ZFYVE28: variants seen among roughly 807,000 people sequenced by gnomAD.
The protein encoded by ZFYVE28 is lateral signaling target protein 2 homolog.
A neutral mutation model predicts 82.1 loss-of-function variants in ZFYVE28; 40 were observed. The observed-to-expected ratio is 0.49, with a 90% CI of 0.38 to 0.63. ZFYVE28 has a LOEUF of 0.63. Among genes scored for constraint, ZFYVE28 ranks in the 30% least tolerant of loss-of-function variants. The pLI is 0.00. For synonymous variants in ZFYVE28, 612 were observed against 546.1 expected (o/e 1.12, Z -1.68); for missense variants, 1,321 against 1,242.1 (o/e 1.06, Z -0.96).
At chr4:2,388,948 C>T (rs1463939995) in intron 1 of ZFYVE28, among the ~76,000 whole-genome samples, 1 of 152,190 alleles carries the variant, frequency 6.6e-6, no homozygotes, top group Non-Finnish European at 1.5e-5. Context: ...GAGTCCTGCC[C>T]ACAGAGAGGG....
At chr4:2,282,292 TGGTAAAGAAAGG>T (rs1290624048) in intron 8 of ZFYVE28, among the ~76,000 whole-genome samples, 2 of 152,262 alleles carry the variant, frequency 1.3e-5, no homozygotes, top group African/African-American at 4.8e-5. Flanking sequence ...TGTCATTCTC[TGGTAAAGAAAGG>T]CAGTGCAATT....
chr4:2,336,205 T>C (rs1419180248), intron 5 of ZFYVE28, among the ~76,000 whole-genome samples: 1 of 152,054 alleles, frequency 6.6e-6, no homozygotes, highest in Non-Finnish European at 1.5e-5. Context: ...CCCCAAACAA[T>C]TCAACACTTC....
At chr4:2,296,384 CGGA>C (rs1270254417) in intron 8 of ZFYVE28, among the ~76,000 whole-genome samples, 1 of 152,228 alleles carries the variant, frequency 6.6e-6, no homozygotes, top group Non-Finnish European at 1.5e-5. Flanking sequence ...CTGTGCACGG[CGGA>C]CCAGCCCTGG....
chr4:2,304,841 G>A lies in ZFYVE28; in HGVS notation c.1499C>T (p.Thr500Met), dbSNP rs753184462. ...TGTCCGGTGGGCGATCATCTCAGCC[G>A]TCTCTGCGTCATCCGCACCCACCTC... Reference protein sequence around the residue: ...GWEVGADDAETAEMIAHRTGG... With the variant: ...GWEVGADDAEMAEMIAHRTGG... Residue 500 changes from threonine (T) to methionine (M), a missense_variant, in exon 8 of 13, where the codon ACG (threonine) becomes ATG (methionine). Thr to Met is a moderately conservative substitution (Grantham distance 81). Coordinates refer to ENST00000290974, the MANE Select transcript of ZFYVE28 (RefSeq NM_020972.3). The A allele has an allele frequency of 6.4e-5, 104 of 1,612,472 alleles. No individual in the cohort carries two copies. Among genetic ancestry groups the A allele is most frequent in the Middle Eastern group, 1.6e-4 (1 of 6,082 alleles).
rs1717740545 is a variant in ZFYVE28, at chr4:2,313,235, A to AATGGTCCAC, written c.803+6926_803+6934dup. Among the ~76,000 whole-genome samples, 4 of 151,794 alleles carry AATGGTCCAC rather than the reference A, an allele frequency of 2.6e-5. No individual in the cohort carries two copies. In the South Asian group the frequency reaches 8.3e-4, roughly 32 times the overall value. ...GTCTGTCATATAATCAATTCTGATA[A>AATGGTCCAC]ATGGTCCACATGCTTTTTTTTTTAA... On this transcript the variant is annotated intron_variant, in intron 7 of 12. Transcript: ENST00000290974.
chr4:2,277,793 C>T (rs1736607847), intron 8 of ZFYVE28, among the ~76,000 whole-genome samples: 1 of 152,114 alleles, frequency 6.6e-6, no homozygotes, highest in South Asian at 2.1e-4. Context: ...GCAATCCATA[C>T]GAAAGTGCCA....
At position 2,320,068 on chromosome 4, in the gene ZFYVE28, G is replaced by A. The variant is rs570846701; in HGVS notation, c.803+102C>T. 7 of 1,068,844 alleles carry A rather than the reference G, an allele frequency of 6.5e-6. No homozygotes were observed. The East Asian group carries it at 7.6e-5, about 12-fold the overall frequency. The allele number at this position is 1,068,844 out of a possible 1,614,324, so 66.2% of individuals were successfully genotyped here. A position where few individuals can be genotyped will look rare whatever the true frequency, so the allele number is the denominator to read the frequency against. On this transcript the variant is annotated intron_variant, in intron 7 of 12. Coordinates refer to ENST00000290974, the MANE Select transcript of ZFYVE28 (RefSeq NM_020972.3). This position sits in a 1 kb window ranked among gnomAD's most constrained non-coding sequence, Gnocchi z 5.1. ...TAACCAGCCCATCCTTCCTCACAGA[G>A]AGGAGGAGGACCTGGAGGCGGCGGC...
chr4:2,397,507 C>T (rs2108930761), intron 1 of ZFYVE28, among the ~76,000 whole-genome samples: 1 of 151,174 alleles, frequency 6.6e-6, no homozygotes, highest in South Asian at 2.1e-4. Flanking sequence ...ATTCACATTG[C>T]TGTGCAACCA....
intron 8 of ZFYVE28, among the ~76,000 whole-genome samples, chr4:2,301,454 G>A (rs963642146): frequency 6.6e-6 from 1 of 152,182 alleles, no homozygotes; most frequent in Non-Finnish European, 1.5e-5. Flanking sequence ...AGCACTGCCA[G>A]AAACGCTTCC....
At chr4:2,314,143 C>T (rs1457241975) in intron 7 of ZFYVE28, among the ~76,000 whole-genome samples, 1 of 152,210 alleles carries the variant, frequency 6.6e-6, no homozygotes, top group Admixed American at 6.5e-5. Flanking sequence ...GCCTGTTTAT[C>T]AGCATGAAAT....
chr4:2,277,314 TAATAA>T (rs1736558863), intron 8 of ZFYVE28, among the ~76,000 whole-genome samples: 1 of 152,068 alleles, frequency 6.6e-6, no homozygotes, highest in Non-Finnish European at 1.5e-5. Flanking sequence ...ACCCCGTCTC[TAATAA>T]AATACAAAAA....
intron 6 of ZFYVE28, among the ~76,000 whole-genome samples, chr4:2,324,292 G>A (rs989182643): frequency 1.3e-5 from 2 of 152,112 alleles, no homozygotes; most frequent in South Asian, 2.1e-4. Flanking sequence ...CCCACATCAC[G>A]GAGGGTCGTC....
rs1023585746 is a variant in ZFYVE28, at chr4:2,331,187, G to C, written c.701+4518C>G. 24 of 530,856 alleles carry C rather than the reference G, an allele frequency of 4.5e-5. No homozygotes were observed. The Middle Eastern group carries it at 1.7e-3, about 37-fold the overall frequency. The allele number at this position is 530,856 out of a possible 1,614,324, so 32.9% of individuals were successfully genotyped here. A position where few individuals can be genotyped will look rare whatever the true frequency, so the allele number is the denominator to read the frequency against. ...GGAGGGGTAGAGGAGAGGGGCCTGG[G>C]TTCTGCACAGGTCCGGTCTGGGAAG... On this transcript the variant is annotated intron_variant, in intron 6 of 12. Transcript: ENST00000290974.
chr4:2,377,373 T>G (rs1728274524), intron 1 of ZFYVE28, among the ~76,000 whole-genome samples: 1 of 152,216 alleles, frequency 6.6e-6, no homozygotes, highest in Admixed American at 6.5e-5. Context: ...TCTTAAACAA[T>G]TATGAGCTAA....
chr4:2,289,360 G>T (rs1713244222), intron 8 of ZFYVE28, among the ~76,000 whole-genome samples: 1 of 152,260 alleles, frequency 6.6e-6, no homozygotes. Context: ...GTGCCCCTCA[G>T]CAGGGGTGGA....
chr4:2,278,650 G>A (rs1375869492), intron 8 of ZFYVE28, among the ~76,000 whole-genome samples: 1 of 151,388 alleles, frequency 6.6e-6, no homozygotes, highest in South Asian at 2.1e-4. Flanking sequence ...CACCAAGAAA[G>A]TGAAGAGAAA....
At chr4:2,406,716 G>T (rs1055606108) in intron 1 of ZFYVE28, 3 of 152,256 alleles carry the variant, frequency 2.0e-5, no homozygotes, top group African/African-American at 7.2e-5. Context: ...TGTCTGGGAG[G>T]TGGATTTGCT....
chr4:2,338,593 A>C (rs948103373), intron 4 of ZFYVE28, among the ~76,000 whole-genome samples: 1 of 152,226 alleles, frequency 6.6e-6, no homozygotes, highest in Admixed American at 6.5e-5. Context: ...ACTCCGTCTC[A>C]GAAAATAAAT....
chr4:2,414,402 C>G (rs1732824159), intron 1 of ZFYVE28, among the ~76,000 whole-genome samples: 1 of 152,270 alleles, frequency 6.6e-6, no homozygotes, highest in South Asian at 2.1e-4. Flanking sequence ...CATCGCTAAT[C>G]TGGGCCTGGA....
Sources: gnomAD v4.1 joint callset for allele counts (sites outside exome capture counted in the v4.1 genomes callset) on GRCh38, gnomAD v4.1.1 for gene constraint, Gnocchi (gnomAD v3.1) non-coding constraint, MANE v1.5 for transcripts, NCBI Gene and HGNC (gene_info 2026-07-23, HGNC 2026-07-21) for gene names.